ASIC2: variants seen among roughly 807,000 people sequenced by gnomAD.
ASIC2 encodes acid sensing ion channel subunit 2.
In ASIC2, 25 loss-of-function variants were observed where a neutral mutation model predicts 57.3. That is an observed-to-expected ratio of 0.44 (90% CI 0.32 to 0.61). ASIC2 has a LOEUF of 0.61. Ranked by LOEUF, ASIC2 falls within the 20% of genes least tolerant of loss-of-function variation. The pLI, the probability that ASIC2 is intolerant of heterozygous loss-of-function variation, is 0.06. For synonymous variants in ASIC2, 319 were observed against 307.5 expected, an observed-to-expected ratio of 1.04 and a Z score of -0.39; for missense variants, 641 against 738.1, an observed-to-expected ratio of 0.87 and a Z score of 1.52.
At chr17:33,145,431 G>T (rs992057046) in intron 1 of ASIC2, among the ~76,000 whole-genome samples, 2 of 152,200 alleles carry the variant, frequency 1.3e-5, no homozygotes, top group African/African-American at 4.8e-5. Context: ...ATCACCTCCC[G>T]ACTAGATCGT....
At chr17:33,496,019 A>T (rs1346651607) in intron 1 of ASIC2, among the ~76,000 whole-genome samples, 5 of 152,054 alleles carry the variant, frequency 3.3e-5, no homozygotes, top group African/African-American at 1.2e-4. Flanking sequence ...CCCAGACTGC[A>T]TGAACACCAC....
chr17:33,675,165 G>A (rs919305461), intron 1 of ASIC2, among the ~76,000 whole-genome samples: 2 of 152,164 alleles, frequency 1.3e-5, no homozygotes, highest in East Asian at 1.9e-4. Flanking sequence ...TGTTATCATC[G>A]TTATTTCCCT....
chr17:33,548,920 T>G (rs543980638), intron 1 of ASIC2, among the ~76,000 whole-genome samples: 352 of 152,262 alleles, frequency 2.3e-3, no homozygotes, highest in African/African-American at 8.1e-3. Flanking sequence ...TCCCTGACTA[T>G]CTAATCTAGT....
At chr17:33,588,137 A>G (rs1309936285) in intron 1 of ASIC2, among the ~76,000 whole-genome samples, 3 of 152,256 alleles carry the variant, frequency 2.0e-5, no homozygotes, top group Non-Finnish European at 4.4e-5. Flanking sequence ...CTCTGTTAAA[A>G]TGAATGGTAT....
intron 1 of ASIC2, among the ~76,000 whole-genome samples, chr17:34,040,296 G>C (rs1041436242): frequency 6.7e-6 from 1 of 149,752 alleles, no homozygotes; most frequent in Non-Finnish European, 1.5e-5. Context: ...ACCTGCCTCC[G>C]GCCCCTTAAT....
chr17:33,905,992 A>G (rs2141956229), intron 1 of ASIC2, among the ~76,000 whole-genome samples: 1 of 147,806 alleles, frequency 6.8e-6, no homozygotes, highest in South Asian at 2.2e-4. Context: ...TGCCCAGCTA[A>G]TATTTTAATT....
At chr17:33,317,015 TG>T (rs1361880936) in intron 1 of ASIC2, among the ~76,000 whole-genome samples, 1 of 152,262 alleles carries the variant, frequency 6.6e-6, no homozygotes, top group Non-Finnish European at 1.5e-5. Context: ...TTCAGAGACC[TG>T]GGTCCAGTTG....
At position 33,013,302 on chromosome 17, in the gene ASIC2, GAGA is replaced by G. The variant is rs1210433451; in HGVS notation, c.*660_*662del. On this transcript the variant is annotated 3_prime_UTR_variant, in exon 10 of 10. Coordinates refer to ENST00000225823, the MANE Select transcript of ASIC2 (RefSeq NM_183377.2). Reference sequence around the variant, plus strand: ...GACTGTACAAGCTGTGTCACAGGGAGAGAAGAACGACATGGGCACCATGGGTGA... The same window carrying G: ...GACTGTACAAGCTGTGTCACAGGGAGAGAACGACATGGGCACCATGGGTGA... 6.5e-6 allele frequency: 1 copy of G among 153,522 alleles called. No individual in the cohort carries two copies. Among genetic ancestry groups the G allele is most frequent in the East Asian group, 1.9e-4 (1 of 5,268 alleles). The allele number at this position is 153,522 out of a possible 1,614,324, so 9.5% of individuals were successfully genotyped here.
intron 1 of ASIC2, among the ~76,000 whole-genome samples, chr17:33,878,979 A>C (rs1376449159): frequency 2.6e-5 from 4 of 152,224 alleles, no homozygotes; most frequent in Non-Finnish European, 4.4e-5. Flanking sequence ...AAGAATTTTC[A>C]ACCCAGAATT....
intron 1 of ASIC2, among the ~76,000 whole-genome samples, chr17:33,154,458 G>A (rs981097511): frequency 1.1e-4 from 17 of 152,326 alleles, no homozygotes; most frequent in African/African-American, 3.8e-4. Context: ...AATATCATGG[G>A]AATCTTGGGG....
intron 1 of ASIC2, among the ~76,000 whole-genome samples, chr17:33,378,143 T>C (rs1350126856): frequency 1.3e-5 from 2 of 152,226 alleles, no homozygotes; most frequent in Non-Finnish European, 2.9e-5. Context: ...CTTGAGCATG[T>C]CACTTTTTCC....
At chr17:33,110,202 C>G (rs1023338375) in intron 2 of ASIC2, among the ~76,000 whole-genome samples, 3 of 152,190 alleles carry the variant, frequency 2.0e-5, no homozygotes, top group Non-Finnish European at 2.9e-5. Context: ...CCTTATTTCT[C>G]TCTTCTACCA....
At chr17:33,691,546 C>T (rs181774758) in intron 1 of ASIC2, among the ~76,000 whole-genome samples, 12 of 152,212 alleles carry the variant, frequency 7.9e-5, no homozygotes, top group Admixed American at 7.2e-4. Flanking sequence ...ATTTCCTTTG[C>T]CCATTTTTGA....
rs143832661 is a variant in ASIC2, at chr17:33,097,245, G to A, written c.860-8255C>T. On this transcript the variant is annotated intron_variant, in intron 2 of 9. Coordinates refer to ENST00000225823, the MANE Select transcript of ASIC2 (RefSeq NM_183377.2). ...CTTTGCATCCCCTCTGGGTCATGGC[G>A]AAAGACAATCTTGGCACATGTACGG... Among the ~76,000 whole-genome samples, 17 of 152,338 alleles carry A rather than the reference G, an allele frequency of 1.1e-4. No homozygotes were observed. In the South Asian group the frequency reaches 1.4e-3, roughly 13 times the overall value.
Position 33,923,561 on chromosome 17 carries a change from C to T in ASIC2, c.555+232417G>A, listed in dbSNP as rs569434946. 1.8e-3 allele frequency among the ~76,000 whole-genome samples: 276 copies of T among 152,284 alleles called. 3 individuals are homozygous for T. Among genetic ancestry groups the T allele is most frequent in the Non-Finnish European group, 2.9e-3 (197 of 68,028 alleles). On this transcript the variant is annotated intron_variant, in intron 1 of 9. Transcript: ENST00000359872. ...CAGTTCTGCAAAATGCACTGCTTCTCCTTGTGGCTGGACCTTACAATTATT... is the reference window on the plus strand; with the variant it reads ...CAGTTCTGCAAAATGCACTGCTTCTTCTTGTGGCTGGACCTTACAATTATT...
At position 34,096,236 on chromosome 17, in the gene ASIC2, G is replaced by A. The variant is rs142990007; in HGVS notation, c.555+59742C>T. 9.2e-5 allele frequency among the ~76,000 whole-genome samples: 14 copies of A among 152,286 alleles called. No homozygotes were observed. In the East Asian group the frequency reaches 1.4e-3, roughly 15 times the overall value. ...TCTCAGAGGAAGTGATTTCTAAGCC[G>A]TAACTTGAAGGATATGGAGGAGTTA... On this transcript the variant is annotated intron_variant, in intron 1 of 9. Transcript: ENST00000359872.
chr17:33,134,096 AG>A (rs2092358433), intron 1 of ASIC2, among the ~76,000 whole-genome samples: 1 of 152,244 alleles, frequency 6.6e-6, no homozygotes, highest in African/African-American at 2.4e-5. Context: ...CCAAAGACAC[AG>A]AAGGTGAGGG....
chr17:34,151,058 G>A (rs564790402), intron 1 of ASIC2, among the ~76,000 whole-genome samples: 3 of 142,866 alleles, frequency 2.1e-5, no homozygotes, highest in African/African-American at 7.8e-5. Flanking sequence ...AGCTAAGATC[G>A]CACAACTGCA....
chr17:34,065,588 G>T (rs1298934232), intron 1 of ASIC2, among the ~76,000 whole-genome samples: 1 of 151,968 alleles, frequency 6.6e-6, no homozygotes, highest in African/African-American at 2.4e-5. Flanking sequence ...TCTTTATGTG[G>T]CTTCCAAAAG....
Sources: gnomAD v4.1 joint callset for allele counts (sites outside exome capture counted in the v4.1 genomes callset) on GRCh38, gnomAD v4.1.1 for gene constraint, MANE v1.5 for transcripts, NCBI Gene and HGNC (gene_info 2026-07-23, HGNC 2026-07-21) for gene names.